The following CCDC91 variants were observed in gnomAD, a reference collection of about 807,000 sequenced individuals.
CCDC91 encodes coiled-coil domain-containing protein 91.
CCDC91 carries 48 observed loss-of-function variants against 63.2 expected under a neutral mutation model. That is an observed-to-expected ratio of 0.76 (90% CI 0.60 to 0.97). CCDC91 has a LOEUF of 0.97. CCDC91 is among the 50% of genes least tolerant of loss of function. The pLI, the probability that CCDC91 is intolerant of heterozygous loss-of-function variation, is 0.00. For synonymous variants in CCDC91, 167 were observed against 165.8 expected (o/e 1.01, Z -0.06); for missense variants, 500 against 494.6 (o/e 1.01, Z -0.10).
chr12:28,247,479 C>CAAAAA (rs71039885), intron 1 of CCDC91, among the ~76,000 whole-genome samples: 5 of 91,988 alleles, frequency 5.4e-5, no homozygotes, highest in African/African-American at 1.9e-4. Flanking sequence ...GACTCCGTCT[C>CAAAAA]AAAAAAAAAA....
At chr12:28,352,222 C>T (rs1943228695) in intron 6 of CCDC91, among the ~76,000 whole-genome samples, 1 of 152,128 alleles carries the variant, frequency 6.6e-6, no homozygotes, top group Admixed American at 6.5e-5. Flanking sequence ...GATTTTGCCT[C>T]AATGTTGATA....
chr12:28,506,595 A>G (rs1363374762), intron 12 of CCDC91, among the ~76,000 whole-genome samples: 1 of 151,976 alleles, frequency 6.6e-6, no homozygotes, highest in African/African-American at 2.4e-5. Context: ...TTCATTGTGT[A>G]TGGTTTACCA....
At chr12:28,529,975 A>C (rs984220754) in intron 12 of CCDC91, among the ~76,000 whole-genome samples, 8 of 152,224 alleles carry the variant, frequency 5.3e-5, no homozygotes, top group African/African-American at 1.9e-4. Context: ...GATAGCATTA[A>C]CACCCTCAGG....
intron 8 of CCDC91, among the ~76,000 whole-genome samples, chr12:28,422,812 T>C (rs1477508138): frequency 6.6e-6 from 1 of 152,102 alleles, no homozygotes; most frequent in Non-Finnish European, 1.5e-5. Context: ...ACTTTAAAAG[T>C]ATATGTTCAC....
At position 28,263,990 on chromosome 12, in the gene CCDC91, GT is replaced by G. The variant is rs1165945987; in HGVS notation, c.109+4560del. On this transcript the variant is annotated intron_variant, in intron 3 of 12. Coordinates refer to ENST00000536442, the MANE Select transcript of CCDC91 (RefSeq NM_018318.5). ...ATTACTCAAAGGCAGCTAAAAAGCT[GT>G]TTTTTTTTTTTGGTGCTCAATTAAC... Among the ~76,000 whole-genome samples the G allele has an allele frequency of 2.2e-3, 315 of 141,308 alleles. 2 individuals are homozygous for G. The highest frequency in any genetic ancestry group is 5.0e-3 in the African/African-American group (196 of 38,998). The allele number at this position is 141,308 out of a possible 152,430, so 92.7% of individuals were successfully genotyped here. A position where few individuals can be genotyped will look rare whatever the true frequency, so the allele number is the denominator to read the frequency against.
intron 6 of CCDC91, among the ~76,000 whole-genome samples, chr12:28,335,257 CATATAATATATAATAT>C (rs1460680806): frequency 7.7e-6 from 1 of 129,614 alleles, no homozygotes; most frequent in Non-Finnish European, 1.6e-5. Flanking sequence ...ATATATAATA[CATATAATATATAATAT>C]ATAATACATA....
chr12:28,304,380 A>AAC (rs1938438714), intron 3 of CCDC91, among the ~76,000 whole-genome samples: 1 of 30,980 alleles, frequency 3.2e-5, no homozygotes, highest in Non-Finnish European at 9.4e-5. Flanking sequence ...CCGTCTAAAA[A>AAC]AAAAAAAAAA....
At chr12:28,415,670 G>GTA (rs576065282) in intron 8 of CCDC91, among the ~76,000 whole-genome samples, 2,343 of 151,622 alleles carry the variant, frequency 0.015, 61 homozygotes, top group African/African-American at 0.054. Context: ...ATATTTGTGT[G>GTA]TGTGTGTGTG....
intron 12 of CCDC91, among the ~76,000 whole-genome samples, chr12:28,520,366 C>T (rs1940489960): frequency 6.6e-6 from 1 of 152,160 alleles, no homozygotes; most frequent in South Asian, 2.1e-4. Flanking sequence ...GCATAAATGT[C>T]TTCTTTTGAG....
chr12:28,347,158 G>A (rs1186474101), intron 6 of CCDC91, among the ~76,000 whole-genome samples: 1 of 152,180 alleles, frequency 6.6e-6, no homozygotes, highest in Non-Finnish European at 1.5e-5. Flanking sequence ...CTCCCAGGGT[G>A]AGGCCATTCA....
intron 3 of CCDC91, among the ~76,000 whole-genome samples, chr12:28,297,519 T>C (rs1949628469): frequency 6.6e-6 from 1 of 151,994 alleles, no homozygotes; most frequent in Non-Finnish European, 1.5e-5. Context: ...TTATATTCTC[T>C]AAATCTTAGA....
chr12:28,287,141 C>T (rs1948963356), intron 3 of CCDC91, among the ~76,000 whole-genome samples: 1 of 152,024 alleles, frequency 6.6e-6, no homozygotes, highest in South Asian at 2.1e-4. Context: ...CAAATATTTT[C>T]TCCCATTCTG....
rs73263437 is a variant in CCDC91, at chr12:28,217,452, A to G, written c.-15+26811A>G. Among the ~76,000 whole-genome samples the G allele has an allele frequency of 1.4e-3, 219 of 152,248 alleles. 1 individual carries two copies. Among genetic ancestry groups the G allele is most frequent in the African/African-American group, 5.0e-3 (209 of 41,550 alleles). ...AGCTTGTATTCATTTTTATAGGTAGACTTCAGATGTTTTCCCATGTATTTG... is the reference window on the plus strand; with the variant it reads ...AGCTTGTATTCATTTTTATAGGTAGGCTTCAGATGTTTTCCCATGTATTTG... On this transcript the variant is annotated intron_variant, in intron 1 of 12. Coordinates refer to ENST00000536442, the MANE Select transcript of CCDC91 (RefSeq NM_018318.5).
At chr12:28,201,331 G>A (rs4600832) in intron 1 of CCDC91, among the ~76,000 whole-genome samples, 2 of 149,920 alleles carry the variant, frequency 1.3e-5, no homozygotes, top group South Asian at 2.1e-4. Context: ...GGGCAGAGAC[G>A]CTCCTCACCT....
intron 8 of CCDC91, among the ~76,000 whole-genome samples, chr12:28,435,980 A>T (rs1301423014): frequency 1.3e-5 from 2 of 151,714 alleles, no homozygotes; most frequent in African/African-American, 2.4e-5. Context: ...TTTAATCTAC[A>T]CATCTTTACA....
intron 12 of CCDC91, among the ~76,000 whole-genome samples, chr12:28,500,436 G>A (rs1937674822): frequency 6.6e-6 from 1 of 151,946 alleles, no homozygotes; most frequent in Non-Finnish European, 1.5e-5. Flanking sequence ...TGTCCTGAAT[G>A]GTATTGCCTA....
At chr12:28,326,749 A>G (rs1941046355) in intron 6 of CCDC91, among the ~76,000 whole-genome samples, 1 of 152,080 alleles carries the variant, frequency 6.6e-6, no homozygotes, top group South Asian at 2.1e-4. Context: ...TTAAAAAAAG[A>G]AACAAGTGAT....
At chr12:28,240,589 G>GT (rs542334401) in intron 1 of CCDC91, among the ~76,000 whole-genome samples, 4 of 151,586 alleles carry the variant, frequency 2.6e-5, no homozygotes, top group Non-Finnish European at 4.4e-5. Context: ...CACGTTTAAA[G>GT]TTTTTTTTAT....
chr12:28,400,219 A>G (rs1946532402), intron 8 of CCDC91, among the ~76,000 whole-genome samples: 1 of 152,064 alleles, frequency 6.6e-6, no homozygotes, highest in African/African-American at 2.4e-5. Flanking sequence ...TCAATACCAC[A>G]TGCCAAGGCT....
Sources: gnomAD v4.1 joint callset for allele counts (sites outside exome capture counted in the v4.1 genomes callset) on GRCh38, gnomAD v4.1.1 for gene constraint, MANE v1.5 for transcripts, NCBI Gene and HGNC (gene_info 2026-07-23, HGNC 2026-07-21) for gene names.